PRKAR2B: variants seen among roughly 807,000 people sequenced by gnomAD.
PRKAR2B encodes the protein protein kinase cAMP-dependent type II regulatory subunit beta.
Under a neutral mutation model 49.9 loss-of-function variants are expected in PRKAR2B, and 14 were observed. The observed-to-expected ratio is 0.28, with a 90% CI of 0.19 to 0.44. The LOEUF (loss-of-function observed/expected upper bound fraction) is 0.44, where lower values mean the gene tolerates loss of function less well. PRKAR2B is among the 20% of genes least tolerant of loss of function. The probability of loss-of-function intolerance (pLI) is 1.00; values close to 1 mark genes in which losing one functional copy is unlikely to be tolerated. For synonymous variants in PRKAR2B, 196 were observed against 197.7 expected, an observed-to-expected ratio of 0.99 and a Z score of 0.07; for missense variants, 393 against 537.9, an observed-to-expected ratio of 0.73 and a Z score of 2.67.
At chr7:107,064,087 T>C (rs907272307) in intron 1 of PRKAR2B, among the ~76,000 whole-genome samples, 2 of 152,180 alleles carry the variant, frequency 1.3e-5, no homozygotes, top group Non-Finnish European at 2.9e-5. Flanking sequence ...CCTGAAAGTA[T>C]TTGGGAACGT....
At chr7:107,126,259 A>G (rs1352836492) in intron 3 of PRKAR2B, among the ~76,000 whole-genome samples, 2 of 148,248 alleles carry the variant, frequency 1.3e-5, no homozygotes, top group African/African-American at 5.0e-5. Context: ...TACAAAAAAA[A>G]AAAAAAAAAA....
intron 4 of PRKAR2B, among the ~76,000 whole-genome samples, chr7:107,140,244 T>G (rs1218111119): frequency 6.6e-6 from 1 of 152,234 alleles, no homozygotes; most frequent in Non-Finnish European, 1.5e-5. Context: ...TTCTGACAAA[T>G]CTGCCCTAGT....
chr7:107,160,314 T>C lies in PRKAR2B; in HGVS notation c.*732T>C, dbSNP rs1796175860. ...TCCCTCATCAAGCATATATCTGCTT[T>C]TTTTTATTTTGCAATTCTCTGTATT... is the stretch of plus-strand genomic sequence containing the variant. On this transcript the variant is annotated 3_prime_UTR_variant, in exon 11 of 11. Coordinates refer to ENST00000265717, the MANE Select transcript of PRKAR2B (RefSeq NM_002736.3). 6.6e-6 allele frequency: 1 copy of C among 152,404 alleles called. No individual in the cohort carries two copies. Among genetic ancestry groups the C allele is most frequent in the South Asian group, 2.1e-4 (1 of 4,832 alleles). The allele number at this position is 152,404 out of a possible 1,614,324, so 9.4% of individuals were successfully genotyped here.
chr7:107,075,059 A>G (rs1794371013), intron 2 of PRKAR2B, among the ~76,000 whole-genome samples: 2 of 151,158 alleles, frequency 1.3e-5, no homozygotes, highest in Admixed American at 6.6e-5. Context: ...CTTAATAGCT[A>G]TATTCAAGCT....
intron 2 of PRKAR2B, among the ~76,000 whole-genome samples, chr7:107,082,634 C>T (rs1355672605): frequency 1.3e-5 from 2 of 152,130 alleles, no homozygotes; most frequent in African/African-American, 4.8e-5. Flanking sequence ...CTCGCTCTGT[C>T]GCCCAGGCTG....
chr7:107,126,458 G>A (rs1022841702), intron 3 of PRKAR2B, among the ~76,000 whole-genome samples: 10 of 141,534 alleles, frequency 7.1e-5, no homozygotes, highest in African/African-American at 2.4e-4. Flanking sequence ...TCATTGGTAC[G>A]AGAGGTAGCA....
intron 2 of PRKAR2B, among the ~76,000 whole-genome samples, chr7:107,120,774 C>T (rs1795372734): frequency 6.6e-6 from 1 of 151,784 alleles, no homozygotes; most frequent in African/African-American, 2.4e-5. Flanking sequence ...AATAAATATG[C>T]ATAATCTATA....
intron 2 of PRKAR2B, among the ~76,000 whole-genome samples, chr7:107,116,377 G>A (rs1211865011): frequency 1.3e-5 from 2 of 152,030 alleles, no homozygotes; most frequent in Non-Finnish European, 1.5e-5. Flanking sequence ...TGTAGATATC[G>A]TCATTGTGGC....
chr7:107,050,550 A>G (rs1306043609), intron 1 of PRKAR2B, among the ~76,000 whole-genome samples: 2 of 152,104 alleles, frequency 1.3e-5, no homozygotes, highest in East Asian at 1.9e-4. Flanking sequence ...CAGGGGACCT[A>G]TGAATCCATC....
At chr7:107,062,645 A>G (rs1338678411) in intron 1 of PRKAR2B, among the ~76,000 whole-genome samples, 1 of 152,156 alleles carries the variant, frequency 6.6e-6, no homozygotes, top group Non-Finnish European at 1.5e-5. Flanking sequence ...TTGTGGATGT[A>G]TATGTTTATC....
chr7:107,114,367 TGTGTG>T (rs1795231364), intron 2 of PRKAR2B, among the ~76,000 whole-genome samples: 1 of 147,330 alleles, frequency 6.8e-6, no homozygotes, highest in African/African-American at 2.5e-5. Flanking sequence ...TGTGTGTGTG[TGTGTG>T]TGTGTTTGAG....
At chr7:107,101,795 T>C (rs994181383) in intron 2 of PRKAR2B, among the ~76,000 whole-genome samples, 5 of 151,672 alleles carry the variant, frequency 3.3e-5, no homozygotes, top group Admixed American at 3.3e-4. Flanking sequence ...ACCACTGTCC[T>C]AACTCAAAAT....
At chr7:107,081,315 T>G (rs1340986678) in intron 2 of PRKAR2B, among the ~76,000 whole-genome samples, 2 of 152,148 alleles carry the variant, frequency 1.3e-5, no homozygotes, top group Non-Finnish European at 2.9e-5. Context: ...TAAACTGTAT[T>G]TGTAGACTGT....
rs3729878 is a variant in PRKAR2B at position 107,151,002 on chromosome 7, G to A, written c.822G>A (p.Leu274=). 6.4e-3 allele frequency: 10,177 copies of A among 1,580,978 alleles called. 507 individuals are homozygous for A. In the African/African-American group the frequency reaches 0.11, roughly 18 times the overall value. The change falls in exon 7 of 11, where the codon CTG becomes CTA. Residue 274 remains leucine, a synonymous_variant. Coordinates refer to ENST00000265717, the MANE Select transcript of PRKAR2B (RefSeq NM_002736.3). ...RKMYESFIES[L]PFLKSLEFSE... is the part of the protein sequence containing the mutation. ...TGTATGAAAGCTTTATTGAGTCACTGCCATTCCTTAAATCTTTGGAGGTAA... is the reference window on the plus strand; with the variant it reads ...TGTATGAAAGCTTTATTGAGTCACTACCATTCCTTAAATCTTTGGAGGTAA...
chr7:107,095,425 A>C (rs1488199928), intron 2 of PRKAR2B, among the ~76,000 whole-genome samples: 1 of 152,218 alleles, frequency 6.6e-6, no homozygotes. Flanking sequence ...GGTTTTCTAA[A>C]TATAAAATCA....
intron 5 of PRKAR2B, among the ~76,000 whole-genome samples, chr7:107,144,599 T>C (rs1390149039): frequency 6.6e-6 from 1 of 151,382 alleles, no homozygotes; most frequent in Non-Finnish European, 1.5e-5. Flanking sequence ...TAGCTAGGAG[T>C]ACAGGCATGT....
At chr7:107,071,930 G>A (rs1322447364) in intron 2 of PRKAR2B, among the ~76,000 whole-genome samples, 4 of 151,782 alleles carry the variant, frequency 2.6e-5, no homozygotes, top group Non-Finnish European at 5.9e-5. Context: ...TGAGCCGGGC[G>A]TGGTGGCGGG....
intron 1 of PRKAR2B, among the ~76,000 whole-genome samples, chr7:107,050,013 A>G (rs993092154): frequency 1.3e-5 from 2 of 152,214 alleles, no homozygotes; most frequent in African/African-American, 4.8e-5. Context: ...AGTTAAGAAC[A>G]TTATTCATTT....
chr7:107,101,875 C>CTTTTTTTTTTTTTTT (rs10589473), intron 2 of PRKAR2B, among the ~76,000 whole-genome samples: 4 of 94,252 alleles, frequency 4.2e-5, no homozygotes, highest in Non-Finnish European at 6.0e-5. Context: ...AGCCCTGATC[C>CTTTTTTTTTTTTTTT]TTTTTTTTTT....
Sources: gnomAD v4.1 joint callset for allele counts (sites outside exome capture counted in the v4.1 genomes callset) on GRCh38, gnomAD v4.1.1 for gene constraint, MANE v1.5 for transcripts, NCBI Gene and HGNC (gene_info 2026-07-23, HGNC 2026-07-21) for gene names.